SCML4: variants seen among roughly 807,000 people sequenced by gnomAD.
SCML4 encodes Scm polycomb group protein like 4.
A neutral mutation model predicts 41.1 loss-of-function variants in SCML4; 34 were observed. The ratio of observed to expected loss-of-function variants is 0.83; its 90% CI spans 0.63 to 1.10. The LOEUF (loss-of-function observed/expected upper bound fraction) is 1.10. SCML4 is among the 50% of genes least tolerant of loss of function. The pLI is 0.00. For missense variants in SCML4, 522 were observed against 534.1 expected (o/e 0.98, Z 0.22); for synonymous variants, 214 against 220.9 (o/e 0.97, Z 0.28).
At chr6:107,765,289 TC>T (rs913116276) in intron 2 of SCML4, among the ~76,000 whole-genome samples, 3 of 152,140 alleles carry the variant, frequency 2.0e-5, no homozygotes, top group Non-Finnish European at 4.4e-5. Flanking sequence ...ACATGGACCA[TC>T]CGGGTACAGG....
intron 4 of SCML4, chr6:107,746,412 A>C: frequency 2.4e-6 from 1 of 416,710 alleles, no homozygotes; most frequent in Non-Finnish European, 4.2e-6. Context: ...TGAAGTGGAG[A>C]AAAAAAAGCA....
chr6:107,732,549 C>T (rs973874301), intron 5 of SCML4, among the ~76,000 whole-genome samples: 25 of 152,174 alleles, frequency 1.6e-4, no homozygotes, highest in African/African-American at 6.0e-4. Context: ...TCTGGTTTGC[C>T]TAAGACTTTG....
intron 6 of SCML4, among the ~76,000 whole-genome samples, chr6:107,714,682 G>C (rs1301817497): frequency 6.6e-6 from 1 of 152,168 alleles, no homozygotes; most frequent in African/African-American, 2.4e-5. Context: ...CAAAACCTGA[G>C]TCTTAACTGC....
At chr6:107,712,009 G>A (rs1774267064) in intron 6 of SCML4, among the ~76,000 whole-genome samples, 1 of 152,082 alleles carries the variant, frequency 6.6e-6, no homozygotes, top group African/African-American at 2.4e-5. Context: ...GACCTGGAAG[G>A]GTCCCATAAG....
chr6:107,786,786 G>C (rs1305550406), intron 1 of SCML4, among the ~76,000 whole-genome samples: 1 of 152,150 alleles, frequency 6.6e-6, no homozygotes, highest in African/African-American at 2.4e-5. Context: ...TTTTAGTAGT[G>C]GCCACCAGGC....
chr6:107,735,608 G>C (rs1037617604), intron 5 of SCML4, among the ~76,000 whole-genome samples: 1 of 151,900 alleles, frequency 6.6e-6, no homozygotes, highest in Non-Finnish European at 1.5e-5. Context: ...AGACCACCCT[G>C]ACCAACATGG....
At chr6:107,816,774 G>A (rs1784576180) in intron 1 of SCML4, among the ~76,000 whole-genome samples, 1 of 152,222 alleles carries the variant, frequency 6.6e-6, no homozygotes, top group Non-Finnish European at 1.5e-5. Context: ...TTCCTTGAAT[G>A]TTAGATGTTT....
chr6:107,816,118 G>A (rs750788210), intron 1 of SCML4, among the ~76,000 whole-genome samples: 1 of 152,176 alleles, frequency 6.6e-6, no homozygotes, highest in Non-Finnish European at 1.5e-5. Context: ...GGGCCATGTG[G>A]CCCTCAATAA....
intron 7 of SCML4, 117 bp from the exon 8 acceptor site, chr6:107,705,442 C>T (rs371928648): frequency 5.6e-6 from 5 of 892,534 alleles, no homozygotes; most frequent in African/African-American, 5.1e-5. Context: ...TTGATTTAGG[C>T]AGCATATTCT....
In SCML4 at chr6:107,702,859, C is replaced by T. The variant is rs998038080; in HGVS notation, c.*2341G>A. On this transcript the variant is annotated 3_prime_UTR_variant, in exon 8 of 8. Coordinates refer to ENST00000369020, the MANE Select transcript of SCML4 (RefSeq NM_198081.5). ...AATGAGGCTGAGACCTACTGGGCTG[C>T]ATTCCCAGATGGCTAAAGCATTCTG... Among the ~76,000 whole-genome samples, 3 of 152,210 alleles carry T rather than the reference C, an allele frequency of 2.0e-5. No individual in the cohort carries two copies. The highest frequency in any genetic ancestry group is 7.2e-5 in the African/African-American group (3 of 41,462).
At chr6:107,779,413 G>C (rs561066741) in intron 1 of SCML4, among the ~76,000 whole-genome samples, 14 of 152,294 alleles carry the variant, frequency 9.2e-5, no homozygotes, top group African/African-American at 3.1e-4. Flanking sequence ...AGCAGAGCAA[G>C]ATAGAGGCAC....
At chr6:107,767,883 G>A (rs553660737) in intron 2 of SCML4, among the ~76,000 whole-genome samples, 1 of 152,248 alleles carries the variant, frequency 6.6e-6, no homozygotes, top group Admixed American at 6.5e-5. Context: ...CTAGCTCTGT[G>A]TTCCCATTCT....
chr6:107,831,947 T>C, the SCML4 span, among the ~76,000 whole-genome samples: 3 of 151,376 alleles, frequency 2.0e-5, no homozygotes, highest in South Asian at 2.1e-4. Context: ...CCTGTAGTCC[T>C]AGCTACTCGG....
intron 1 of SCML4, among the ~76,000 whole-genome samples, chr6:107,809,198 T>G (rs539175892): frequency 6.6e-6 from 1 of 152,300 alleles, no homozygotes; most frequent in South Asian, 2.1e-4. Context: ...GGCACTGTCT[T>G]GTAAGCAGAC....
At chr6:107,734,730 T>G (rs530892243) in intron 5 of SCML4, among the ~76,000 whole-genome samples, 10 of 152,310 alleles carry the variant, frequency 6.6e-5, no homozygotes, top group Non-Finnish European at 1.5e-4. Flanking sequence ...GGATGAGGAC[T>G]CCTACCCTGG....
intron 3 of SCML4, among the ~76,000 whole-genome samples, 182 bp from the exon 4 acceptor site, chr6:107,747,071 G>T (rs1744338969): frequency 6.6e-6 from 1 of 152,182 alleles, no homozygotes; most frequent in Admixed American, 6.5e-5. Flanking sequence ...AAAAGAGTTA[G>T]ACACCCCAAG....
At chr6:107,705,406 C>A in intron 7 of SCML4, 81 bp from the exon 8 acceptor site, 4 of 1,351,850 alleles carry the variant, frequency 3.0e-6, no homozygotes, top group South Asian at 2.5e-5. Flanking sequence ...AAGGTGTGGT[C>A]AAGGGGTGTG....
At chr6:107,827,836 G>C (rs1785305035), upstream of SCML4, among the ~76,000 whole-genome samples, 1 of 152,198 alleles carries the variant, frequency 6.6e-6, no homozygotes, top group Non-Finnish European at 1.5e-5. Flanking sequence ...GCCTCCATTT[G>C]AAGAGTAATC....
chr6:107,769,288 G>T (rs1029644483), intron 2 of SCML4, among the ~76,000 whole-genome samples: 5 of 152,224 alleles, frequency 3.3e-5, no homozygotes, highest in Admixed American at 6.5e-5. Context: ...GATGGGCCCT[G>T]GGAGGGGGCC....
Sources: allele counts gnomAD v4.1 joint callset (sites outside exome capture counted in the v4.1 genomes callset), GRCh38; gene constraint gnomAD v4.1.1; transcripts MANE v1.5; gene names NCBI Gene and HGNC (gene_info 2026-07-23, HGNC 2026-07-21).